The following SLC4A4 variants were observed in gnomAD, a reference collection of about 807,000 sequenced individuals.
SLC4A4 encodes electrogenic sodium bicarbonate cotransporter 1.
SLC4A4 carries 27 observed loss-of-function variants against 111.5 expected under a neutral mutation model. The ratio of observed to expected loss-of-function variants is 0.24; its 90% CI spans 0.18 to 0.33. SLC4A4 has a LOEUF of 0.33. SLC4A4 is among the 10% of genes least tolerant of loss of function. The pLI is 1.00. For synonymous variants in SLC4A4, 443 were observed against 463.4 expected (o/e 0.96, Z 0.57); for missense variants, 909 against 1,315.5 (o/e 0.69, Z 4.78).
At position 71,563,873 on chromosome 4, in the gene SLC4A4, T is replaced by C; in HGVS notation, c.3180T>C (p.Asp1060=). 1.9e-6 allele frequency: 3 copies of C among 1,608,146 alleles called. No homozygotes were observed. Among genetic ancestry groups the C allele is most frequent in the Non-Finnish European group, 2.6e-6 (3 of 1,175,278 alleles). ...TGGAACAGCAACCTTTCCTAAGCGA[T>C]AGCAAACCTTCTGACAGTGAGTAGA... The part of the protein sequence containing the change: ...DIMEQQPFLS[D]SKPSDRERSP... Residue 1060 remains aspartate (D), a synonymous_variant, in exon 24 of 26, where the codon GAT becomes GAC. Coordinates refer to ENST00000264485, the MANE Select transcript of SLC4A4 (RefSeq NM_001098484.3).
At chr4:71,078,504 G>A (rs913366296) in intron 1 of SLC4A4, among the ~76,000 whole-genome samples, 1 of 152,040 alleles carries the variant, frequency 6.6e-6, no homozygotes, top group South Asian at 2.1e-4. Flanking sequence ...TTAGAATCTT[G>A]GAAAGGCTTA....
intron 1 of SLC4A4, among the ~76,000 whole-genome samples, chr4:71,090,936 TTTTG>T (rs1742369476): frequency 6.6e-6 from 1 of 152,006 alleles, no homozygotes; most frequent in African/African-American, 2.4e-5. Context: ...TTGAGGACAT[TTTTG>T]TTTGTTTGTT....
intron 2 of SLC4A4, among the ~76,000 whole-genome samples, chr4:71,242,200 C>T (rs1229370082): frequency 6.6e-6 from 1 of 152,170 alleles, no homozygotes; most frequent in African/African-American, 2.4e-5. Context: ...ATAAGCCATA[C>T]CAAATTGCAC....
chr4:71,099,956 A>G (rs1029560510), intron 2 of SLC4A4, among the ~76,000 whole-genome samples: 1 of 152,204 alleles, frequency 6.6e-6, no homozygotes, highest in East Asian at 1.9e-4. Context: ...TTGAATCAGT[A>G]ATAAGTAGGC....
At chr4:71,363,894 A>G (rs1731021580) in intron 6 of SLC4A4, among the ~76,000 whole-genome samples, 1 of 152,194 alleles carries the variant, frequency 6.6e-6, no homozygotes. Flanking sequence ...CTCTTCCTTA[A>G]TAACAGTAAT....
chr4:71,268,504 A>G (rs965272946), intron 3 of SLC4A4, among the ~76,000 whole-genome samples: 4 of 152,168 alleles, frequency 2.6e-5, no homozygotes, highest in African/African-American at 9.7e-5. Context: ...TTGTTAGCTT[A>G]TTTTGTCATA....
chr4:71,453,697 A>G (rs375021762), intron 12 of SLC4A4, 28 bp downstream of exon 12: 123 of 1,611,792 alleles, frequency 7.6e-5, no homozygotes, highest in Non-Finnish European at 1.0e-4. Flanking sequence ...GAGGACACAA[A>G]TAGTACAGCC....
chr4:71,523,771 T>C (rs1229950974), intron 16 of SLC4A4, among the ~76,000 whole-genome samples: 3 of 152,186 alleles, frequency 2.0e-5, no homozygotes, highest in African/African-American at 7.2e-5. Context: ...TGTGTATTAA[T>C]ATAAATTGTA....
chr4:71,271,067 G>T lies in SLC4A4; in HGVS notation c.253+15668G>T, dbSNP rs1005257635. ...GTGCCCACCACTACACATCTTTCAC[G>T]TTTGCCTGCAGGGGTCCTCAGTGCT... On this transcript the variant is annotated intron_variant, in intron 3 of 25. Transcript: ENST00000264485. Among the ~76,000 whole-genome samples the T allele has an allele frequency of 2.6e-5, 4 of 152,078 alleles. No homozygotes were observed. In the East Asian group the frequency reaches 7.7e-4, roughly 29 times the overall value.
At chr4:71,114,014 G>A (rs189540990) in intron 2 of SLC4A4, among the ~76,000 whole-genome samples, 6 of 152,280 alleles carry the variant, frequency 3.9e-5, no homozygotes, top group East Asian at 3.9e-4. Context: ...TTGGGAGGCC[G>A]AGGCCGGCGG....
chr4:71,397,500 G>A (rs1166342845), intron 6 of SLC4A4, 77 bp from the exon 7 acceptor site: 18 of 1,229,930 alleles, frequency 1.5e-5, no homozygotes, highest in Non-Finnish European at 1.9e-5. Flanking sequence ...ATCTACTAAT[G>A]TTTATTAAGT....
intron 7 of SLC4A4, among the ~76,000 whole-genome samples, chr4:71,411,956 G>A (rs1721399733): frequency 6.6e-6 from 1 of 152,156 alleles, no homozygotes. Context: ...TGTAAAAGTG[G>A]AAGAGGTTTC....
At position 71,130,429 on chromosome 4, in the gene SLC4A4, G is replaced by T. The variant is rs140364160; in HGVS notation, c.-2+37637G>T. 1.4e-3 allele frequency among the ~76,000 whole-genome samples: 214 copies of T among 152,006 alleles called. 1 individual carries two copies. Among genetic ancestry groups the T allele is most frequent in the Non-Finnish European group, 2.5e-3 (173 of 67,976 alleles). On this transcript the variant is annotated intron_variant, in intron 2 of 26. Coordinates refer to the SLC4A4 transcript ENST00000649996. ...GTTTTTTAAATTTTGTAGAGAAGGG[G>T]GTCTCACTTTTTTGCCCAGGCTGGT...
chr4:71,339,182 G>C (rs559183130), intron 3 of SLC4A4, 188 bp from the exon 4 acceptor site: 3 of 1,613,858 alleles, frequency 1.9e-6, no homozygotes, highest in East Asian at 4.5e-5. Context: ...CAGAACCAAA[G>C]GAATAGAGAA....
At chr4:71,419,001 A>G (rs1722088318) in intron 7 of SLC4A4, among the ~76,000 whole-genome samples, 1 of 152,204 alleles carries the variant, frequency 6.6e-6, no homozygotes, top group East Asian at 1.9e-4. Flanking sequence ...TGTTTGCAGA[A>G]CAGCAGTTTT....
chr4:71,528,247 G>A (rs925368751), intron 16 of SLC4A4, among the ~76,000 whole-genome samples: 1 of 152,050 alleles, frequency 6.6e-6, no homozygotes, highest in Non-Finnish European at 1.5e-5. Flanking sequence ...GGTTTTTGAA[G>A]TTTAATGAGA....
chr4:71,195,090 A>G (rs534738185), intron 1 of SLC4A4, among the ~76,000 whole-genome samples: 1 of 152,184 alleles, frequency 6.6e-6, no homozygotes, highest in Admixed American at 6.5e-5. Flanking sequence ...GGGGAATTAC[A>G]TGATCTTCCT....
At chr4:71,430,966 G>A (rs1317339539) in intron 7 of SLC4A4, among the ~76,000 whole-genome samples, 2 of 152,106 alleles carry the variant, frequency 1.3e-5, no homozygotes, top group East Asian at 1.9e-4. Context: ...GGCCTGGATA[G>A]GATGTGTAGA....
At chr4:71,168,662 A>C (rs574230794) in intron 2 of SLC4A4, among the ~76,000 whole-genome samples, 40 of 147,350 alleles carry the variant, frequency 2.7e-4, no homozygotes, top group African/African-American at 9.6e-4. Flanking sequence ...CCATGAGTTC[A>C]ATTGTTTTGA....
Sources: allele counts gnomAD v4.1 joint callset (sites outside exome capture counted in the v4.1 genomes callset), GRCh38; gene constraint gnomAD v4.1.1; transcripts MANE v1.5; gene names NCBI Gene and HGNC (gene_info 2026-07-23, HGNC 2026-07-21).